BTBD9: variants seen among roughly 807,000 people sequenced by gnomAD.
The protein encoded by BTBD9 is BTB domain containing 9.
A neutral mutation model predicts 64.3 loss-of-function variants in BTBD9; 49 were observed. The observed-to-expected ratio is 0.76, with a 90% CI of 0.61 to 0.97. The LOEUF (loss-of-function observed/expected upper bound fraction) is 0.97, where lower values mean the gene tolerates loss of function less well. Ranked by LOEUF, BTBD9 falls within the 50% of genes least tolerant of loss-of-function variation. BTBD9 has a pLI of 0.00. For synonymous variants in BTBD9, 260 were observed against 274.7 expected, an observed-to-expected ratio of 0.95 and a Z score of 0.53; for missense variants, 598 against 762.1, an observed-to-expected ratio of 0.78 and a Z score of 2.53.
chr6:38,628,106 G>A (rs1173129629), intron 1 of BTBD9, among the ~76,000 whole-genome samples: 2 of 152,164 alleles, frequency 1.3e-5, no homozygotes, highest in Admixed American at 6.5e-5. Flanking sequence ...GAACAAAGTA[G>A]AAGGGACAGA....
intron 7 of BTBD9, among the ~76,000 whole-genome samples, chr6:38,302,033 A>C (rs1438288054): frequency 1.3e-5 from 2 of 152,116 alleles, no homozygotes; most frequent in African/African-American, 4.8e-5. Context: ...TTATGGGGTA[A>C]AGTATGATGT....
intron 6 of BTBD9, among the ~76,000 whole-genome samples, chr6:38,521,000 C>T (rs1773248617): frequency 6.6e-6 from 1 of 151,890 alleles, no homozygotes; most frequent in Non-Finnish European, 1.5e-5. Context: ...GCACCATTCC[C>T]ACCATAAATG....
chr6:38,517,167 T>C (rs1773068489), intron 6 of BTBD9, among the ~76,000 whole-genome samples: 2 of 152,194 alleles, frequency 1.3e-5, no homozygotes, highest in South Asian at 2.1e-4. Flanking sequence ...GCAACCAAGA[T>C]GATCTGTGAG....
chr6:38,428,773 C>T (rs990121854), intron 6 of BTBD9, among the ~76,000 whole-genome samples: 3 of 148,140 alleles, frequency 2.0e-5, no homozygotes, highest in South Asian at 2.1e-4. Flanking sequence ...AGTGCAGTGG[C>T]GCGATCTCGG....
intron 6 of BTBD9, among the ~76,000 whole-genome samples, chr6:38,516,287 A>T (rs1051400664): frequency 2.7e-5 from 4 of 145,986 alleles, no homozygotes; most frequent in East Asian, 4.0e-4. Context: ...CCATGAATTT[A>T]AAAAAAAAAA....
chr6:38,339,727 G>C (rs1031592518), intron 7 of BTBD9, among the ~76,000 whole-genome samples: 1 of 152,136 alleles, frequency 6.6e-6, no homozygotes, highest in Non-Finnish European at 1.5e-5. Flanking sequence ...TAGCTCTTTT[G>C]CAGGTTTGAT....
At chr6:38,189,023 A>C (rs768722231) in intron 10 of BTBD9, among the ~76,000 whole-genome samples, 3 of 152,130 alleles carry the variant, frequency 2.0e-5, no homozygotes, top group Admixed American at 6.5e-5. Context: ...ACAGCTGCTG[A>C]TGTTACTTAG....
At chr6:38,578,496 G>C (rs963411338) in intron 5 of BTBD9, among the ~76,000 whole-genome samples, 2 of 152,038 alleles carry the variant, frequency 1.3e-5, no homozygotes, top group African/African-American at 4.8e-5. Flanking sequence ...ATATCAACAG[G>C]AACAATCTTG....
intron 9 of BTBD9, among the ~76,000 whole-genome samples, chr6:38,253,828 C>A (rs1464299763): frequency 6.6e-6 from 1 of 151,848 alleles, no homozygotes; most frequent in Non-Finnish European, 1.5e-5. Context: ...TCGGTACAGT[C>A]CTCTTTAGCA....
chr6:38,210,034 CA>C (rs1349615166), intron 9 of BTBD9, among the ~76,000 whole-genome samples: 5 of 152,100 alleles, frequency 3.3e-5, no homozygotes, highest in African/African-American at 1.2e-4. Flanking sequence ...GGATGTGTCC[CA>C]GGGGCGTCCA....
At chr6:38,278,650 T>C (rs1469589154) in intron 8 of BTBD9, among the ~76,000 whole-genome samples, 1 of 152,210 alleles carries the variant, frequency 6.6e-6, no homozygotes, top group East Asian at 1.9e-4. Context: ...TTCTTCATCT[T>C]GTAAATGAAA....
At position 38,298,943 on chromosome 6, in the gene BTBD9, T is replaced by C. The variant is rs373522518; in HGVS notation, c.1265-10482A>G. On this transcript the variant is annotated intron_variant, in intron 7 of 10. Transcript: ENST00000481247. Reference sequence around the variant, plus strand: ...CATATGTATACATGTGCCATGTTGGTGTGCTGCACCCATTAACTCGTCATT... The same window carrying C: ...CATATGTATACATGTGCCATGTTGGCGTGCTGCACCCATTAACTCGTCATT... Among the ~76,000 whole-genome samples the C allele has an allele frequency of 1.4e-4, 21 of 152,084 alleles. No homozygotes were observed. The East Asian group carries it at 3.7e-3, about 27-fold the overall frequency.
At chr6:38,437,713 T>G (rs1213605029) in intron 6 of BTBD9, among the ~76,000 whole-genome samples, 1 of 152,232 alleles carries the variant, frequency 6.6e-6, no homozygotes, top group Non-Finnish European at 1.5e-5. Flanking sequence ...GAAGAAGGTT[T>G]CATTAATGAT....
chr6:38,346,139 C>T (rs1764267050), intron 6 of BTBD9, among the ~76,000 whole-genome samples: 1 of 152,132 alleles, frequency 6.6e-6, no homozygotes, highest in African/African-American at 2.4e-5. Context: ...TAGTAATCTC[C>T]TCCCCTCTGC....
chr6:38,245,571 C>T (rs781517382), intron 9 of BTBD9, among the ~76,000 whole-genome samples: 1 of 152,048 alleles, frequency 6.6e-6, no homozygotes, highest in Non-Finnish European at 1.5e-5. Flanking sequence ...CTCTAGGCCA[C>T]GCAAAGAATT....
At chr6:38,305,645 C>G (rs920145207) in intron 7 of BTBD9, among the ~76,000 whole-genome samples, 1 of 151,982 alleles carries the variant, frequency 6.6e-6, no homozygotes, top group East Asian at 1.9e-4. Context: ...CCACACCGGG[C>G]TAATTTTTTT....
chr6:38,430,918 C>A (rs866371329), intron 6 of BTBD9, among the ~76,000 whole-genome samples: 1 of 151,988 alleles, frequency 6.6e-6, no homozygotes, highest in Admixed American at 6.5e-5. Context: ...CTCTTCTCAG[C>A]GTCATTTGAT....
chr6:38,278,470 T>G (rs747103016), intron 8 of BTBD9, among the ~76,000 whole-genome samples: 2 of 152,120 alleles, frequency 1.3e-5, no homozygotes, highest in Admixed American at 1.3e-4. Context: ...AAATCAAGGG[T>G]GGATTGAACC....
chr6:38,192,425 C>A, intron 10 of BTBD9, 94 bp downstream of exon 10: 1 of 1,144,038 alleles, frequency 8.7e-7, no homozygotes, highest in South Asian at 1.3e-5. Context: ...AGGCCATTAG[C>A]AGGCAGAACA....
Sources: allele counts gnomAD v4.1 joint callset (sites outside exome capture counted in the v4.1 genomes callset), GRCh38; gene constraint gnomAD v4.1.1; transcripts MANE v1.5; gene names NCBI Gene and HGNC (gene_info 2026-07-23, HGNC 2026-07-21).